The following UBE2L3 variants were observed in gnomAD, a reference collection of about 807,000 sequenced individuals.
The protein encoded by UBE2L3 is ubiquitin conjugating enzyme E2 L3, also known as ubiquitin-conjugating enzyme E2 L3.
In UBE2L3, 1 loss-of-function variant was observed where a neutral mutation model predicts 17.8. That is an observed-to-expected ratio of 0.06 (90% CI 0.02 to 0.27). The LOEUF is 0.27. Ranked by LOEUF, UBE2L3 falls within the 10% of genes least tolerant of loss-of-function variation. UBE2L3 has a pLI of 1.00. For missense variants in UBE2L3, 40 were observed against 192.6 expected (o/e 0.21, Z 4.69); for synonymous variants, 44 against 68.5 (o/e 0.64, Z 1.76).
intron 2 of UBE2L3, among the ~76,000 whole-genome samples, chr22:21,598,284 C>T (rs1000085025): frequency 6.7e-6 from 1 of 149,878 alleles, no homozygotes; most frequent in South Asian, 2.1e-4. Context: ...CTTAAAATAT[C>T]CAGTTAGATT....
At chr22:21,598,443 C>T (rs1928674242) in intron 2 of UBE2L3, among the ~76,000 whole-genome samples, 1 of 151,144 alleles carries the variant, frequency 6.6e-6, no homozygotes, top group Admixed American at 6.6e-5. Flanking sequence ...TTCTTTGACC[C>T]ATTGCTTGTT....
At chr22:21,590,478 G>T (rs750828733) in intron 1 of UBE2L3, among the ~76,000 whole-genome samples, 1 of 152,236 alleles carries the variant, frequency 6.6e-6, no homozygotes, top group African/African-American at 2.4e-5. Context: ...GATTACAGGC[G>T]TGAGCCAACG....
chr22:21,593,736 C>G (rs1928383789), intron 2 of UBE2L3, among the ~76,000 whole-genome samples: 1 of 152,180 alleles, frequency 6.6e-6, no homozygotes, highest in Non-Finnish European at 1.5e-5. Flanking sequence ...TGTCACACCT[C>G]TAGCTCGGCA....
chr22:21,612,571 C>G (rs1298828780), intron 3 of UBE2L3, among the ~76,000 whole-genome samples: 2 of 148,046 alleles, frequency 1.4e-5, no homozygotes, highest in South Asian at 4.2e-4. Flanking sequence ...GTGATCCGCC[C>G]GCCTCGGCCT....
chr22:21,565,754 C>CA (rs131662), upstream of UBE2L3, among the ~76,000 whole-genome samples: 10,983 of 30,172 alleles, frequency 0.36, 3,004 homozygotes, highest in Non-Finnish European at 0.42. Flanking sequence ...AACTGTGTCT[C>CA]AAAAAAAAAA....
intron 1 of UBE2L3, among the ~76,000 whole-genome samples, chr22:21,592,138 A>G (rs1286516072): frequency 6.6e-6 from 1 of 152,120 alleles, no homozygotes; most frequent in African/African-American, 2.4e-5. Flanking sequence ...GACTGTTTAT[A>G]CAACAATAAC....
intron 1 of UBE2L3, among the ~76,000 whole-genome samples, chr22:21,584,831 C>T (rs535581209): frequency 6.6e-6 from 1 of 151,988 alleles, no homozygotes; most frequent in Admixed American, 6.6e-5. Flanking sequence ...CATGGTGGTG[C>T]GTGCCTGTAG....
At chr22:21,602,049 G>A (rs954303708) in intron 2 of UBE2L3, among the ~76,000 whole-genome samples, 7 of 152,010 alleles carry the variant, frequency 4.6e-5, no homozygotes, top group Non-Finnish European at 8.8e-5. Flanking sequence ...TCTTAACAGG[G>A]GACTGGACTG....
chr22:21,564,666 C>G (rs545133810), upstream of UBE2L3, among the ~76,000 whole-genome samples: 1 of 152,298 alleles, frequency 6.6e-6, no homozygotes, highest in Admixed American at 6.5e-5. Context: ...TCTGATGATC[C>G]CACTCTGTAT....
Position 21,568,157 on chromosome 22 carries a change from G to A in UBE2L3, c.27+386G>A, listed in dbSNP as rs1043528180. On this transcript the variant is annotated intron_variant, in intron 1 of 3. Transcript: ENST00000342192. ...GGAAGGCCCGAGCGCCGGAGCCCCT[G>A]CCCGGAGCCCGCGCCGCGGAACCGC... The A allele has an allele frequency of 3.0e-6, 3 of 1,015,114 alleles. No homozygotes were observed. The East Asian group carries it at 2.7e-4, about 92-fold the overall frequency. 62.9% of individuals were successfully genotyped at this position (1,015,114 alleles called of 1,614,324 possible). A position where few individuals can be genotyped will look rare whatever the true frequency, so the allele number is the denominator to read the frequency against.
chr22:21,561,914 C>T (rs1373809749), intron 1 of UBE2L3, among the ~76,000 whole-genome samples: 1 of 152,192 alleles, frequency 6.6e-6, no homozygotes, highest in Admixed American at 6.5e-5. Flanking sequence ...GTTTTCTCTC[C>T]TATCAAATAG....
intron 2 of UBE2L3, among the ~76,000 whole-genome samples, chr22:21,594,911 G>T (rs1172466205): frequency 1.3e-5 from 2 of 152,188 alleles, no homozygotes; most frequent in Non-Finnish European, 1.5e-5. Flanking sequence ...AAAATGAATG[G>T]AATGGTTTTA....
intron 2 of UBE2L3, 48 bp downstream of exon 2, chr22:21,593,004 A>G (rs1439950165): frequency 6.5e-7 from 1 of 1,544,324 alleles, no homozygotes; most frequent in Admixed American, 1.7e-5. Context: ...CTTTAAGGTG[A>G]TGTGTGTGCT....
At chr22:21,617,797 T>G (rs1224656953) in intron 3 of UBE2L3, among the ~76,000 whole-genome samples, 1 of 152,194 alleles carries the variant, frequency 6.6e-6, no homozygotes, top group African/African-American at 2.4e-5. Flanking sequence ...AGCTGAAGTT[T>G]ATTATAGTTT....
intron 2 of UBE2L3, among the ~76,000 whole-genome samples, chr22:21,608,966 C>T (rs578217352): frequency 2.0e-5 from 3 of 152,082 alleles, no homozygotes; most frequent in Middle Eastern, 3.4e-3. Context: ...GCAATCTCCA[C>T]TCACTGCAAG....
intron 2 of UBE2L3, among the ~76,000 whole-genome samples, chr22:21,606,664 ACATAGTGAGACGC>A (rs948958366): frequency 1.2e-4 from 18 of 152,168 alleles, no homozygotes; most frequent in African/African-American, 4.3e-4. Context: ...AGCCTGGACA[ACATAGTGAGACGC>A]CATCACTATA....
At chr22:21,611,101 T>G in intron 3 of UBE2L3, 58 bp downstream of exon 3, 1 of 1,479,900 alleles carries the variant, frequency 6.8e-7, no homozygotes, top group Non-Finnish European at 9.0e-7. Flanking sequence ...TGCTCTGGGG[T>G]GGGGGCTTCT....
rs140155107 is a variant in UBE2L3 at position 21,616,097 on chromosome 22, A to G, written c.310+5054A>G. ...AAACACACATAAAACAAAGTTATAT[A>G]TTAATCAGCTGGCAAAAATGTGAGC... On this transcript the variant is annotated intron_variant, in intron 3 of 3. Coordinates refer to ENST00000342192, the MANE Select transcript of UBE2L3 (RefSeq NM_003347.4). Among the ~76,000 whole-genome samples, 179 of 152,368 alleles carry G rather than the reference A, an allele frequency of 1.2e-3. 2 individuals carry two copies. Among genetic ancestry groups the G allele is most frequent in the African/African-American group, 3.9e-3 (164 of 41,582 alleles).
At chr22:21,564,307 T>G (rs1458165048), upstream of UBE2L3, among the ~76,000 whole-genome samples, 1 of 152,160 alleles carries the variant, frequency 6.6e-6, no homozygotes, top group Admixed American at 6.5e-5. Context: ...GTGCTAGGAT[T>G]ACAGGCATGA....
Sources: allele counts gnomAD v4.1 joint callset (sites outside exome capture counted in the v4.1 genomes callset), GRCh38; gene constraint gnomAD v4.1.1; transcripts MANE v1.5; gene names NCBI Gene and HGNC (gene_info 2026-07-23, HGNC 2026-07-21).